The following GALNT9 variants were observed in gnomAD, a reference collection of about 807,000 sequenced individuals.
GALNT9 encodes polypeptide N-acetylgalactosaminyltransferase 9.
GALNT9 carries 47 observed loss-of-function variants against 63.1 expected under a neutral mutation model. The ratio of observed to expected loss-of-function variants is 0.75; its 90% CI spans 0.59 to 0.95. The LOEUF is 0.95. GALNT9 is among the 40% of genes least tolerant of loss of function. The pLI, the probability that GALNT9 is intolerant of heterozygous loss-of-function variation, is 0.00. For synonymous variants in GALNT9, 396 were observed against 365.7 expected (o/e 1.08, Z -0.94); for missense variants, 829 against 874.8 (o/e 0.95, Z 0.66).
At chr12:132,222,912 A>ACCC in intron 6 of GALNT9, among the ~76,000 whole-genome samples, 2 of 93,428 alleles carry the variant, frequency 2.1e-5, no homozygotes, top group African/African-American at 4.5e-5. Flanking sequence ...CACACCCCAC[A>ACCC]TACATCCCAC....
intron 6 of GALNT9, among the ~76,000 whole-genome samples, chr12:132,227,281 C>T (rs1217211931): frequency 2.0e-5 from 3 of 152,144 alleles, no homozygotes; most frequent in African/African-American, 7.2e-5. Flanking sequence ...GGGGCACCAG[C>T]GTGCAGCTGT....
chr12:132,212,239 C>T lies in GALNT9; in HGVS notation c.1078-8549G>A, dbSNP rs1307207397. Among the ~76,000 whole-genome samples the T allele has an allele frequency of 6.0e-4, 67 of 112,026 alleles. 1 individual carries two copies. Among genetic ancestry groups the T allele is most frequent in the African/African-American group, 2.1e-3 (58 of 28,256 alleles). The allele number at this position is 112,026 out of a possible 152,430, so 73.5% of individuals were successfully genotyped here. A position where few individuals can be genotyped will look rare whatever the true frequency, so the allele number is the denominator to read the frequency against. ...ACCCGGGTCTGCAGCCCTCAGACCT[C>T]GACACGGAAACCCCACCCGGGTCTG... On this transcript the variant is annotated intron_variant, in intron 6 of 10. Transcript: ENST00000328957.
chr12:132,300,568 A>C (rs1276476838), intron 1 of GALNT9, among the ~76,000 whole-genome samples: 1 of 127,864 alleles, frequency 7.8e-6, no homozygotes, highest in Non-Finnish European at 1.6e-5. Context: ...CTCCCACCAC[A>C]CCTAACGCAC....
chr12:132,270,815 G>A (rs1294205057), intron 2 of GALNT9, among the ~76,000 whole-genome samples: 4 of 152,184 alleles, frequency 2.6e-5, no homozygotes, highest in East Asian at 1.9e-4. Flanking sequence ...TTCTATCAGG[G>A]AGGAAGAGCG....
chr12:132,298,191 T>G (rs1471865998), intron 1 of GALNT9, among the ~76,000 whole-genome samples: 1 of 151,598 alleles, frequency 6.6e-6, no homozygotes, highest in Non-Finnish European at 1.5e-5. Flanking sequence ...ACTAACTCGT[T>G]CCCAAGGAAA....
At chr12:132,287,672 A>C (rs1250848720) in intron 1 of GALNT9, among the ~76,000 whole-genome samples, 1 of 152,124 alleles carries the variant, frequency 6.6e-6, no homozygotes, top group African/African-American at 2.4e-5. Flanking sequence ...GGCAGTGTCG[A>C]CTGGAAAGGA....
intron 6 of GALNT9, among the ~76,000 whole-genome samples, chr12:132,241,634 C>T (rs1329976818): frequency 0.019 from 364 of 18,740 alleles, no homozygotes; most frequent in Middle Eastern, 0.033. Context: ...TCCCGGGGCC[C>T]TCCCTATACC....
chr12:132,220,803 T>C (rs1258816497), intron 6 of GALNT9, among the ~76,000 whole-genome samples: 2 of 152,174 alleles, frequency 1.3e-5, no homozygotes, highest in African/African-American at 4.8e-5. Context: ...ACACCTGTAA[T>C]CCCAGCACTT....
chr12:132,200,122 A>G (rs1037219325), intron 8 of GALNT9, among the ~76,000 whole-genome samples: 1 of 152,264 alleles, frequency 6.6e-6, no homozygotes, highest in East Asian at 1.9e-4. Context: ...TGCCTGGGAA[A>G]CCTCTGTGCC....
chr12:132,274,420 C>T, intron 2 of GALNT9: 1 of 152,454 alleles, frequency 6.6e-6, no homozygotes, highest in Non-Finnish European at 1.5e-5. Flanking sequence ...AGAGCCCCGG[C>T]CTCCAGCCTG....
chr12:132,276,698 C>T (rs1593099461), intron 2 of GALNT9, among the ~76,000 whole-genome samples: 1 of 152,294 alleles, frequency 6.6e-6, no homozygotes, highest in Non-Finnish European at 1.5e-5. Flanking sequence ...TTTGGATTTG[C>T]CAGTCTTCCT....
rs1236589179 is a variant in GALNT9 at position 132,291,213 on chromosome 12, A to G, written c.239-4783T>C. Among the ~76,000 whole-genome samples, 9 of 35,800 alleles carry G rather than the reference A, an allele frequency of 2.5e-4. 2 individuals carry two copies. Among genetic ancestry groups the G allele is most frequent in the Admixed American group, 2.5e-3 (9 of 3,592 alleles). 23.5% of individuals were successfully genotyped at this position (35,800 alleles called of 152,430 possible). On this transcript the variant is annotated intron_variant, in intron 1 of 10. Transcript: ENST00000328957. The stretch of plus-strand genomic sequence containing the variant: ...CAACCACAGTGCCCACGTCCACACC[A>G]CCCACATCCACAGCGCCCACGTCCA...
At chr12:132,200,808 G>A (rs757919250) in intron 8 of GALNT9, 270 of 378,748 alleles carry the variant, frequency 7.1e-4, no homozygotes, top group Non-Finnish European at 1.2e-3. Flanking sequence ...GCATGGATGT[G>A]ACTACACACC....
chr12:132,213,985 C>T (rs1167655902), intron 6 of GALNT9, among the ~76,000 whole-genome samples: 3 of 152,186 alleles, frequency 2.0e-5, no homozygotes, highest in African/African-American at 7.2e-5. Context: ...CAGGGACACC[C>T]GCGACTCCGA....
intron 1 of GALNT9, among the ~76,000 whole-genome samples, chr12:132,320,454 C>A (rs1251495007): frequency 6.6e-6 from 1 of 152,244 alleles, no homozygotes; most frequent in Non-Finnish European, 1.5e-5. Flanking sequence ...TTAACAGTTT[C>A]TTTTAAATCG....
intron 2 of GALNT9, chr12:132,277,161 G>A (rs1880128458): frequency 6.5e-6 from 1 of 154,476 alleles, no homozygotes; most frequent in African/African-American, 2.4e-5. Context: ...GCCATGCAGG[G>A]AATCCAAGTC....
chr12:132,286,191 G>A lies in GALNT9; in HGVS notation c.419+59C>T, dbSNP rs1460924305. 4.6e-5 allele frequency: 69 copies of A among 1,507,328 alleles called. No individual in the cohort carries two copies. Among genetic ancestry groups the A allele is most frequent in the Non-Finnish European group, 4.4e-5 (49 of 1,121,234 alleles). The allele number at this position is 1,507,328 out of a possible 1,614,324, so 93.4% of individuals were successfully genotyped here. A position where few individuals can be genotyped will look rare whatever the true frequency, so the allele number is the denominator to read the frequency against. On this transcript the variant is annotated intron_variant, in intron 2 of 10. Coordinates refer to ENST00000328957, the MANE Select transcript of GALNT9 (RefSeq NM_001122636.2). This position sits in a 1 kb window ranked among gnomAD's most constrained non-coding sequence, Gnocchi z 7.4. Reference sequence around the variant, plus strand: ...GGGGGCAGTCACTTCCCTGGCCAGTGTGGGGGGCGGTCACTTCCTCGGCGG... The same window carrying A: ...GGGGGCAGTCACTTCCCTGGCCAGTATGGGGGGCGGTCACTTCCTCGGCGG...
chr12:132,286,822 T>C lies in GALNT9; in HGVS notation c.239-392A>G, dbSNP rs558789957. Among the ~76,000 whole-genome samples the C allele has an allele frequency of 6.6e-6, 1 of 152,070 alleles. No individual in the cohort carries two copies. Among genetic ancestry groups the C allele is most frequent in the African/African-American group, 2.4e-5 (1 of 41,418 alleles). On this transcript the variant is annotated intron_variant, in intron 1 of 10. Coordinates refer to ENST00000328957, the MANE Select transcript of GALNT9 (RefSeq NM_001122636.2). The surrounding 1 kb of genome is among the most constrained non-coding windows in gnomAD (Gnocchi z 7.4). ...TGGACCTCCCAGGCTCAAGCAATCC[T>C]CCCACCTCAGCCTCCTGAGTAAATG...
intron 7 of GALNT9, among the ~76,000 whole-genome samples, chr12:132,203,115 G>C (rs992590623): frequency 6.6e-6 from 1 of 152,198 alleles, no homozygotes; most frequent in African/African-American, 2.4e-5. Context: ...GAGGCTGCCC[G>C]GGGCTGGGGA....
Sources: gnomAD v4.1 joint callset for allele counts (sites outside exome capture counted in the v4.1 genomes callset) on GRCh38, gnomAD v4.1.1 for gene constraint, Gnocchi (gnomAD v3.1) non-coding constraint, MANE v1.5 for transcripts, NCBI Gene and HGNC (gene_info 2026-07-23, HGNC 2026-07-21) for gene names.